Variants in SMARCAL1 observed in about 807,000 individuals in gnomAD.
SMARCAL1 encodes the protein SNF2 related chromatin remodeling annealing helicase 1, also known as ATP-driven annealing helicase.
SMARCAL1 carries 58 observed loss-of-function variants against 94.5 expected under a neutral mutation model. The ratio of observed to expected loss-of-function variants is 0.61; its 90% confidence interval spans 0.50 to 0.76. The LOEUF (loss-of-function observed/expected upper bound fraction) is 0.76, where lower values mean the gene tolerates loss of function less well. SMARCAL1 is among the 30% of genes least tolerant of loss of function. SMARCAL1 has a pLI of 0.00. For synonymous variants in SMARCAL1, 422 were observed against 455.1 expected (o/e 0.93, Z 0.93); for missense variants, 1,051 against 1,177.9 (o/e 0.89, Z 1.58).
intron 12 of SMARCAL1, among the ~76,000 whole-genome samples, chr2:216,460,801 G>A (rs962154065): frequency 2.0e-5 from 3 of 151,860 alleles, no homozygotes; most frequent in Non-Finnish European, 2.9e-5. Flanking sequence ...AAACCTGCAC[G>A]TTGTGCACAT....
At chr2:216,479,754 A>T (rs1179239910) in intron 17 of SMARCAL1, among the ~76,000 whole-genome samples, 2 of 152,194 alleles carry the variant, frequency 1.3e-5, no homozygotes, top group African/African-American at 4.8e-5. Context: ...CTAGGTTATT[A>T]CAAGCCTTTT....
chr2:216,426,770 AT>A (rs1229912129), intron 6 of SMARCAL1, among the ~76,000 whole-genome samples: 1 of 152,130 alleles, frequency 6.6e-6, no homozygotes, highest in African/African-American at 2.4e-5. Context: ...TTTAGTTCTG[AT>A]TTCTCCGCCA....
Position 216,464,578 on chromosome 2 carries a change from T to A in SMARCAL1, c.2071-19T>A. 6.3e-7 allele frequency: 1 copy of A among 1,597,070 alleles called. No individual in the cohort carries two copies. Among genetic ancestry groups the A allele is most frequent in the Non-Finnish European group, 8.6e-7 (1 of 1,164,698 alleles). Reference sequence around the variant, plus strand: ...TCTCAGACTGGGGCACTTAACATTCTTAACTTATCTTTCAACAGAAACAGC... The same window carrying A: ...TCTCAGACTGGGGCACTTAACATTCATAACTTATCTTTCAACAGAAACAGC... On this transcript the variant is annotated intron_variant, in intron 12 of 17. Coordinates refer to ENST00000357276, the MANE Select transcript of SMARCAL1 (RefSeq NM_014140.4).
chr2:216,422,583 G>T (rs1187444273), intron 5 of SMARCAL1, among the ~76,000 whole-genome samples: 2 of 152,188 alleles, frequency 1.3e-5, no homozygotes, highest in African/African-American at 4.8e-5. Context: ...GAATCAAGTT[G>T]TCAGAAAGGG....
chr2:216,460,162 C>T (rs1216895482), intron 12 of SMARCAL1, among the ~76,000 whole-genome samples: 3 of 151,924 alleles, frequency 2.0e-5, no homozygotes, highest in African/African-American at 4.8e-5. Flanking sequence ...GTTAGAATGG[C>T]GATCATTAAA....
At chr2:216,435,756 C>G (rs1321448108) in intron 9 of SMARCAL1, among the ~76,000 whole-genome samples, 2 of 152,106 alleles carry the variant, frequency 1.3e-5, no homozygotes, top group Admixed American at 1.3e-4. Flanking sequence ...GGATTTCTAG[C>G]TCATCTCTTT....
intron 17 of SMARCAL1, among the ~76,000 whole-genome samples, chr2:216,480,958 T>G (rs926116249): frequency 1.3e-5 from 2 of 152,118 alleles, no homozygotes; most frequent in African/African-American, 4.8e-5. Flanking sequence ...GTTGAGCTGT[T>G]GCAAATCCAT....
At chr2:216,435,522 G>C in intron 9 of SMARCAL1, 26 bp downstream of exon 9, 1 of 1,601,384 alleles carries the variant, frequency 6.2e-7, no homozygotes, top group Non-Finnish European at 8.6e-7. Flanking sequence ...AAGTCTTTAA[G>C]TACTTTATCT....
chr2:216,444,576 T>C (rs1000321263), intron 10 of SMARCAL1, among the ~76,000 whole-genome samples: 1 of 152,192 alleles, frequency 6.6e-6, no homozygotes, highest in Non-Finnish European at 1.5e-5. Context: ...TGCAATGGTA[T>C]GATCATGATC....
intron 11 of SMARCAL1, among the ~76,000 whole-genome samples, chr2:216,449,196 T>G (rs1694388745): frequency 6.6e-6 from 1 of 152,240 alleles, no homozygotes; most frequent in African/African-American, 2.4e-5. Flanking sequence ...GGACCCACCA[T>G]GATGACCTTA....
intron 6 of SMARCAL1, chr2:216,427,478 A>G (rs556119542): frequency 2.6e-5 from 4 of 152,356 alleles, no homozygotes; most frequent in African/African-American, 7.2e-5. Context: ...TAGAATTAAA[A>G]TGAAAATGGT....
chr2:216,434,161 G>A (rs1239924979), intron 8 of SMARCAL1, among the ~76,000 whole-genome samples: 3 of 151,918 alleles, frequency 2.0e-5, no homozygotes, highest in Non-Finnish European at 4.4e-5. Flanking sequence ...TTTTGTGTGC[G>A]TTAGGTTCCC....
intron 5 of SMARCAL1, among the ~76,000 whole-genome samples, chr2:216,421,921 T>A (rs1373195519): frequency 6.6e-6 from 1 of 152,174 alleles, no homozygotes; most frequent in East Asian, 1.9e-4. Flanking sequence ...TGCTACGTCA[T>A]CATCCTTAGA....
At chr2:216,426,142 G>A (rs540650208) in intron 6 of SMARCAL1, among the ~76,000 whole-genome samples, 16 of 152,286 alleles carry the variant, frequency 1.1e-4, no homozygotes, top group African/African-American at 3.1e-4. Flanking sequence ...GATTACAGGC[G>A]TGAGCCACCG....
Position 216,420,406 on chromosome 2 carries a change from T to A in SMARCAL1, c.970T>A (p.Ser324Thr). 6.2e-7 allele frequency: 1 copy of A among 1,614,184 alleles called. No individual in the cohort carries two copies. Among genetic ancestry groups the A allele is most frequent in the Non-Finnish European group, 8.5e-7 (1 of 1,180,018 alleles). The change falls in exon 5 of 18, where the codon TCA becomes ACA. Residue 324 changes from serine (S) to threonine (T), a missense_variant. Physicochemically the swap from Ser to Thr is moderately conservative, Grantham distance 58. Transcript: ENST00000357276. ...TSSEGQAGLP[S>T]APSLSFVKGR... ...CAGTGAGGGACAGGCCGGCCTTCCATCAGCTCCATCCCTTTCATTTGTCAA... is the reference window on the plus strand; with the variant it reads ...CAGTGAGGGACAGGCCGGCCTTCCAACAGCTCCATCCCTTTCATTTGTCAA...
At chr2:216,446,633 T>C in intron 10 of SMARCAL1, 1 of 461,920 alleles carries the variant, frequency 2.2e-6, no homozygotes, top group South Asian at 1.5e-5. Flanking sequence ...TCCAGGATAC[T>C]AATTAGCTTC....
chr2:216,415,465 A>ACAAT lies in SMARCAL1; in HGVS notation c.762_765dup (p.Ala256GlnfsTer9). On this transcript the variant is annotated frameshift_variant, in exon 3 of 18. Coordinates refer to ENST00000357276, the MANE Select transcript of SMARCAL1 (RefSeq NM_014140.4). LOFTEE classifies it high-confidence loss of function. ...GATCGTTTCCAGGTGTTGATTGGGT[A>ACAAT]CAATGCGGAACTCATTGCAGTGTTT... The ACAAT allele has an allele frequency of 1.2e-6, 2 of 1,614,194 alleles. No individual in the cohort carries two copies. Among genetic ancestry groups the ACAAT allele is most frequent in the Non-Finnish European group, 1.7e-6 (2 of 1,180,044 alleles).
At chr2:216,465,164 A>G (rs1200595823) in intron 13 of SMARCAL1, among the ~76,000 whole-genome samples, 1 of 152,152 alleles carries the variant, frequency 6.6e-6, no homozygotes, top group Non-Finnish European at 1.5e-5. Context: ...AAAAATGAAA[A>G]AAGTAAAAGT....
chr2:216,464,726 A>C, intron 13 of SMARCAL1, 59 bp downstream of exon 13: 1 of 1,140,280 alleles, frequency 8.8e-7, no homozygotes, highest in Non-Finnish European at 1.3e-6. Flanking sequence ...AAAAAAAACA[A>C]CTTATTACTT....
Sources: gnomAD v4.1 joint callset for allele counts (sites outside exome capture counted in the v4.1 genomes callset) on GRCh38, gnomAD v4.1.1 for gene constraint, MANE v1.5 for transcripts, NCBI Gene and HGNC (gene_info 2026-07-23, HGNC 2026-07-21) for gene names.